CDC14A: variants seen among roughly 807,000 people sequenced by gnomAD.
The protein encoded by CDC14A is dual specificity protein phosphatase CDC14A.
CDC14A carries 53 observed loss-of-function variants against 74.4 expected under a neutral mutation model. The ratio of observed to expected loss-of-function variants is 0.71; its 90% CI spans 0.57 to 0.89. The LOEUF is 0.89. Among genes scored for constraint, CDC14A ranks in the 40% least tolerant of loss-of-function variants. The pLI is 0.00. For synonymous variants in CDC14A, 247 were observed against 258.4 expected (o/e 0.96, Z 0.43); for missense variants, 646 against 713.7 (o/e 0.91, Z 1.08).
At chr1:100,500,127 T>C (rs6680879) in intron 15 of CDC14A, among the ~76,000 whole-genome samples, 142,416 of 152,204 alleles carry the variant, frequency 0.94, 67,173 homozygotes, top group Non-Finnish European at 1. Flanking sequence ...TGAGTTTCGA[T>C]TTGAGAGGAA....
chr1:100,460,737 A>G (rs1667232452), intron 8 of CDC14A, among the ~76,000 whole-genome samples: 2 of 152,234 alleles, frequency 1.3e-5, no homozygotes, highest in African/African-American at 4.8e-5. Context: ...AGAAGATTTT[A>G]AATAAGCTCT....
intron 2 of CDC14A, among the ~76,000 whole-genome samples, chr1:100,373,987 A>G (rs1654868885): frequency 6.6e-6 from 1 of 152,018 alleles, no homozygotes; most frequent in Non-Finnish European, 1.5e-5. Context: ...CCAGAGTGTG[A>G]TGTTCCCCTT....
chr1:100,415,471 G>C (rs1661418467), intron 4 of CDC14A, among the ~76,000 whole-genome samples: 1 of 152,194 alleles, frequency 6.6e-6, no homozygotes, highest in African/African-American at 2.4e-5. Flanking sequence ...TGTCTATAGA[G>C]ACCTGATGTC....
intron 8 of CDC14A, among the ~76,000 whole-genome samples, chr1:100,458,375 T>G (rs1666940917): frequency 6.6e-6 from 1 of 152,216 alleles, no homozygotes; most frequent in Admixed American, 6.5e-5. Context: ...ATAATCACTT[T>G]AAGATATCGC....
chr1:100,439,538 T>A (rs1310360337), intron 5 of CDC14A, among the ~76,000 whole-genome samples: 1 of 152,226 alleles, frequency 6.6e-6, no homozygotes, highest in Non-Finnish European at 1.5e-5. Context: ...TGAAGGACTT[T>A]ACATATTTTA....
intron 15 of CDC14A, among the ~76,000 whole-genome samples, chr1:100,500,823 TG>T (rs1356998036): frequency 7.7e-6 from 1 of 129,664 alleles, no homozygotes; most frequent in African/African-American, 4.2e-5. Context: ...TGTGTGTGTG[TG>T]TGTGTGTGTG....
chr1:100,443,413 CA>C (rs1464895392), intron 7 of CDC14A, among the ~76,000 whole-genome samples: 3 of 151,972 alleles, frequency 2.0e-5, no homozygotes, highest in African/African-American at 7.3e-5. Flanking sequence ...CGGATCACTG[CA>C]ACCTCTGCCT....
chr1:100,516,237 T>C (rs1995140), intron 15 of CDC14A, among the ~76,000 whole-genome samples: 132,965 of 152,210 alleles, frequency 0.87, 60,589 homozygotes, highest in Non-Finnish European at 1. Context: ...TAAATAAATA[T>C]GTAAATAAAT....
At chr1:100,449,424 CT>C (rs1665900963) in intron 7 of CDC14A, among the ~76,000 whole-genome samples, 1 of 152,188 alleles carries the variant, frequency 6.6e-6, no homozygotes, top group Admixed American at 6.5e-5. Context: ...ACAGAAGGCC[CT>C]TCTTGACATG....
Position 100,494,847 on chromosome 1 carries a change from G to T in CDC14A, c.1167G>T (p.Met389Ile), listed in dbSNP as rs1571338866. The change falls in exon 12 of 16, where the codon ATG (methionine) becomes ATT (isoleucine). Residue 389 changes from methionine to isoleucine, a missense_variant. Transcript: ENST00000336454. The part of the protein sequence containing the change: ...EDNLEDDDVE[M>I]KNGITQGDKL... ...ACTTAGAAGATGATGATGTGGAAAT[G>T]AAAAATGGTATAACCCAGGGAGACA... is the stretch of plus-strand genomic sequence containing the variant. The T allele has an allele frequency of 6.2e-7, 1 of 1,612,202 alleles. No individual in the cohort carries two copies. The highest frequency in any genetic ancestry group is 1.3e-5 in the African/African-American group (1 of 74,888).
chr1:100,367,128 GC>G (rs933544925), intron 2 of CDC14A, among the ~76,000 whole-genome samples: 1 of 152,104 alleles, frequency 6.6e-6, no homozygotes, highest in African/African-American at 2.4e-5. Flanking sequence ...AGTGCACTCA[GC>G]CCTCAGATTT....
At chr1:100,351,850 G>A, upstream of CDC14A, 1 of 1,479,872 alleles carries the variant, frequency 6.8e-7, no homozygotes, top group Non-Finnish European at 9.2e-7. Flanking sequence ...TGAGCTAGGA[G>A]CTGGTGCTTC....
At chr1:100,443,094 T>A in intron 7 of CDC14A, 98 bp downstream of exon 7, 1 of 795,030 alleles carries the variant, frequency 1.3e-6, no homozygotes, top group Non-Finnish European at 2.1e-6. Flanking sequence ...GGGTGCTAAA[T>A]AAAAGCATTC....
At chr1:100,491,243 A>C (rs772554297) in intron 11 of CDC14A, among the ~76,000 whole-genome samples, 8 of 152,066 alleles carry the variant, frequency 5.3e-5, no homozygotes, top group Non-Finnish European at 7.4e-5. Flanking sequence ...TAAGTTAAAA[A>C]AGTTACAAAG....
chr1:100,382,528 GT>G (rs776896844), intron 3 of CDC14A, among the ~76,000 whole-genome samples: 32 of 151,116 alleles, frequency 2.1e-4, no homozygotes, highest in Non-Finnish European at 3.7e-4. Context: ...ATGAGCCACT[GT>G]GCTTGGCCGT....
At position 100,352,935 on chromosome 1, in the gene CDC14A, C is replaced by A; in HGVS notation, c.-20C>A. On this transcript the variant is annotated 5_prime_UTR_variant, in exon 1 of 16. Transcript: ENST00000336454. The stretch of plus-strand genomic sequence containing the variant: ...CAGCTGGCCACGACCCAGCCCTCCC[C>A]CGTGCGTATCTCGCTTAAGATGGCA... 6.2e-7 allele frequency: 1 copy of A among 1,613,760 alleles called. No individual in the cohort carries two copies. The highest frequency in any genetic ancestry group is 8.5e-7 in the Non-Finnish European group (1 of 1,179,982).
rs17122380 is a variant in CDC14A, at chr1:100,393,118, G to A, written c.309+2294G>A. Reference sequence around the variant, plus strand: ...GATTTCATTTTCTAGTTGAAAAATAGTCCGTTCAGTCTCATAATTCTTACT... The same window carrying A: ...GATTTCATTTTCTAGTTGAAAAATAATCCGTTCAGTCTCATAATTCTTACT... On this transcript the variant is annotated intron_variant, in intron 4 of 15. Coordinates refer to ENST00000336454, the MANE Select transcript of CDC14A (RefSeq NM_003672.4). The A allele has an allele frequency of 2.9e-3, 4,244 of 1,456,744 alleles. 114 individuals carry two copies. The African/African-American group carries it at 0.053, about 18-fold the overall frequency. The allele number at this position is 1,456,744 out of a possible 1,614,324, so 90.2% of individuals were successfully genotyped here.
At chr1:100,445,023 A>G (rs1390221867) in intron 7 of CDC14A, among the ~76,000 whole-genome samples, 1 of 152,332 alleles carries the variant, frequency 6.6e-6, no homozygotes, top group East Asian at 1.9e-4. Context: ...AACAAAGGGA[A>G]TATGTACTTA....
At chr1:100,384,121 A>G (rs754252331) in intron 3 of CDC14A, among the ~76,000 whole-genome samples, 3 of 152,222 alleles carry the variant, frequency 2.0e-5, no homozygotes, top group Admixed American at 6.5e-5. Context: ...TCCCACTAGA[A>G]TATAACCTTT....
Sources: gnomAD v4.1 joint callset for allele counts (sites outside exome capture counted in the v4.1 genomes callset) on GRCh38, gnomAD v4.1.1 for gene constraint, MANE v1.5 for transcripts, NCBI Gene and HGNC (gene_info 2026-07-23, HGNC 2026-07-21) for gene names.